PDE4D: variants seen among roughly 807,000 people sequenced by gnomAD.
PDE4D encodes 3',5'-cyclic-AMP phosphodiesterase 4D.
PDE4D carries 24 observed loss-of-function variants against 87.4 expected under a neutral mutation model. That is an observed-to-expected ratio of 0.27 (90% confidence interval 0.20 to 0.39). The LOEUF is 0.39. PDE4D is among the 10% of genes least tolerant of loss of function. The probability of loss-of-function intolerance (pLI) is 1.00; values close to 1 mark genes in which losing one functional copy is unlikely to be tolerated. For missense variants in PDE4D, 714 were observed against 1,041.0 expected, an observed-to-expected ratio of 0.69 and a Z score of 4.32; for synonymous variants, 384 against 383.2, an observed-to-expected ratio of 1.00 and a Z score of -0.02.
chr5:60,075,823 T>G (rs1225059598), intron 2 of PDE4D, among the ~76,000 whole-genome samples: 1 of 152,158 alleles, frequency 6.6e-6, no homozygotes, highest in Admixed American at 6.5e-5. Flanking sequence ...ACAATTAAAT[T>G]ATGAAATTTT....
At position 59,307,858 on chromosome 5, in the gene PDE4D, C is replaced by T. The variant is rs377638296; in HGVS notation, c.456-91890G>A. Among the ~76,000 whole-genome samples the T allele has an allele frequency of 3.2e-3, 476 of 150,582 alleles. 1 individual carries two copies. Among genetic ancestry groups the T allele is most frequent in the East Asian group, 8.8e-3 (45 of 5,102 alleles). On this transcript the variant is annotated intron_variant, in intron 1 of 14. Coordinates refer to ENST00000340635, the MANE Select transcript of PDE4D (RefSeq NM_001104631.2). The stretch of plus-strand genomic sequence containing the variant: ...CCATTTGACCCAGCCATCCCATTAC[C>T]GGGTATATACCCAAAGGACTATAAA...
chr5:59,143,864 T>C (rs1778249278), intron 5 of PDE4D, among the ~76,000 whole-genome samples: 1 of 152,218 alleles, frequency 6.6e-6, no homozygotes. Context: ...TTGGTGGGCT[T>C]TGAACTTGGA....
intron 3 of PDE4D, among the ~76,000 whole-genome samples, chr5:59,941,534 G>A (rs1307374041): frequency 6.6e-6 from 1 of 152,154 alleles, no homozygotes; most frequent in Non-Finnish European, 1.5e-5. Flanking sequence ...GCACTCTAAG[G>A]CTTGAACTTT....
At chr5:59,178,353 T>A (rs1351163677) in intron 5 of PDE4D, among the ~76,000 whole-genome samples, 4 of 152,176 alleles carry the variant, frequency 2.6e-5, no homozygotes, top group Non-Finnish European at 5.9e-5. Context: ...TTAGTTTCCC[T>A]TTCTAGATAA....
intron 1 of PDE4D, chr5:59,587,317 C>A: frequency 2.2e-6 from 1 of 459,376 alleles, no homozygotes; most frequent in South Asian, 9.1e-5. Flanking sequence ...ATTCTTCCCC[C>A]GATGTCTTTC....
At chr5:59,968,379 C>T (rs192068519) in intron 3 of PDE4D, among the ~76,000 whole-genome samples, 19 of 152,144 alleles carry the variant, frequency 1.2e-4, no homozygotes, top group Admixed American at 6.5e-4. Context: ...ATTCAGCACA[C>T]GTGGACATAT....
chr5:60,108,949 G>A (rs1777359828), intron 2 of PDE4D, among the ~76,000 whole-genome samples: 1 of 152,112 alleles, frequency 6.6e-6, no homozygotes, highest in Non-Finnish European at 1.5e-5. Flanking sequence ...CATAGGCATG[G>A]GCAAGGACTT....
At chr5:60,038,720 G>A (rs988497336) in intron 2 of PDE4D, among the ~76,000 whole-genome samples, 2 of 151,490 alleles carry the variant, frequency 1.3e-5, no homozygotes, top group Non-Finnish European at 2.9e-5. Flanking sequence ...AATCTACAAT[G>A]AACTCAAACA....
At chr5:60,167,413 C>T (rs574913660) in intron 2 of PDE4D, among the ~76,000 whole-genome samples, 7 of 151,486 alleles carry the variant, frequency 4.6e-5, no homozygotes, top group East Asian at 1.9e-4. Flanking sequence ...GGACTACAGG[C>T]GCCCGCCACC....
intron 1 of PDE4D, among the ~76,000 whole-genome samples, chr5:60,351,567 C>T (rs527780177): frequency 6.6e-6 from 1 of 152,126 alleles, no homozygotes; most frequent in Non-Finnish European, 1.5e-5. Context: ...AAATGGATAA[C>T]AGAACAAGAA....
At chr5:59,507,680 A>G (rs1326284373) in intron 1 of PDE4D, among the ~76,000 whole-genome samples, 1 of 43,726 alleles carries the variant, frequency 2.3e-5, no homozygotes, top group Non-Finnish European at 5.0e-5. Context: ...AAAAAAAAAA[A>G]AAAGAAAAGA....
chr5:60,215,341 T>C (rs1410360082), intron 1 of PDE4D, among the ~76,000 whole-genome samples: 2 of 152,128 alleles, frequency 1.3e-5, no homozygotes, highest in African/African-American at 2.4e-5. Flanking sequence ...CTACTTGCAA[T>C]GGGATAAAAA....
chr5:60,294,512 C>A (rs1753202064), intron 1 of PDE4D, among the ~76,000 whole-genome samples: 1 of 152,132 alleles, frequency 6.6e-6, no homozygotes, highest in East Asian at 1.9e-4. Flanking sequence ...GGTCTCCAAT[C>A]CATCTTGAAT....
chr5:59,210,663 C>T lies in PDE4D; in HGVS notation c.647+5114G>A, dbSNP rs115316214. Among the ~76,000 whole-genome samples the T allele has an allele frequency of 3.3e-3, 509 of 152,330 alleles. 2 individuals carry two copies. The highest frequency in any genetic ancestry group is 0.012 in the African/African-American group (479 of 41,582). On this transcript the variant is annotated intron_variant, in intron 2 of 14. Transcript: ENST00000340635. ...ATCAAATCTACTCACTTCCTCGTCACTGGCCCTCTGAATGCATTCACCCCA... is the reference window on the plus strand; with the variant it reads ...ATCAAATCTACTCACTTCCTCGTCATTGGCCCTCTGAATGCATTCACCCCA...
intron 5 of PDE4D, among the ~76,000 whole-genome samples, chr5:59,040,272 C>A (rs1759457331): frequency 6.6e-6 from 1 of 152,164 alleles, no homozygotes; most frequent in Admixed American, 6.5e-5. Flanking sequence ...ACAAAATATA[C>A]AATGTTGTGG....
At chr5:60,419,259 T>C (rs757343109) in intron 1 of PDE4D, among the ~76,000 whole-genome samples, 3 of 152,178 alleles carry the variant, frequency 2.0e-5, no homozygotes, top group Non-Finnish European at 2.9e-5. Flanking sequence ...AGATAATTCA[T>C]GGTATTTCAT....
At chr5:59,534,618 G>C (rs1280574041) in intron 1 of PDE4D, among the ~76,000 whole-genome samples, 1 of 152,286 alleles carries the variant, frequency 6.6e-6, no homozygotes, top group East Asian at 1.9e-4. Context: ...ATTACCAAGA[G>C]GCCTTGTGGG....
chr5:60,364,307 A>T (rs897389148), intron 1 of PDE4D, among the ~76,000 whole-genome samples: 2 of 152,170 alleles, frequency 1.3e-5, no homozygotes, highest in African/African-American at 4.8e-5. Flanking sequence ...CTATCAGAAG[A>T]TCATTGTCAA....
chr5:59,231,690 A>G (rs544682391), intron 1 of PDE4D, among the ~76,000 whole-genome samples: 1 of 152,356 alleles, frequency 6.6e-6, no homozygotes, highest in East Asian at 1.9e-4. Flanking sequence ...ACGTACTGAA[A>G]GTACATTAGA....
Sources: allele counts gnomAD v4.1 joint callset (sites outside exome capture counted in the v4.1 genomes callset), GRCh38; gene constraint gnomAD v4.1.1; transcripts MANE v1.5; gene names NCBI Gene and HGNC (gene_info 2026-07-23, HGNC 2026-07-21).